The following PTPN3 variants were observed in gnomAD, a reference collection of about 807,000 sequenced individuals.
PTPN3 encodes the protein protein tyrosine phosphatase non-receptor type 3.
Under a neutral mutation model 132.7 loss-of-function variants are expected in PTPN3, and 96 were observed. That is an observed-to-expected ratio of 0.72 (90% CI 0.61 to 0.86). The LOEUF is 0.86. Ranked by LOEUF, PTPN3 falls within the 40% of genes least tolerant of loss-of-function variation. The probability of loss-of-function intolerance (pLI) is 0.00; values close to 1 mark genes in which losing one functional copy is unlikely to be tolerated. For missense variants in PTPN3, 1,125 were observed against 1,159.6 expected (o/e 0.97, Z 0.43); for synonymous variants, 398 against 429.0 (o/e 0.93, Z 0.89).
chr9:109,413,750 G>T (rs938808094), intron 14 of PTPN3, among the ~76,000 whole-genome samples: 2 of 152,110 alleles, frequency 1.3e-5, no homozygotes, highest in Non-Finnish European at 2.9e-5. Flanking sequence ...AAGGGGCAGA[G>T]ACAGAGAAAT....
chr9:109,475,300 T>C (rs552331273), intron 1 of PTPN3, among the ~76,000 whole-genome samples: 1 of 152,360 alleles, frequency 6.6e-6, no homozygotes, highest in South Asian at 2.1e-4. Flanking sequence ...CAATGTGGTA[T>C]TGTTCAAAAC....
At chr9:109,408,263 G>A (rs1841728283) in intron 17 of PTPN3, 58 bp downstream of exon 17, 1 of 1,376,870 alleles carries the variant, frequency 7.3e-7, no homozygotes, top group African/African-American at 1.5e-5. Context: ...ACAGAAACCT[G>A]TTAGAATTAG....
chr9:109,442,358 T>C (rs1353797615), intron 7 of PTPN3, among the ~76,000 whole-genome samples: 1 of 152,196 alleles, frequency 6.6e-6, no homozygotes, highest in African/African-American at 2.4e-5. Flanking sequence ...CAAGTATTAA[T>C]CTTAAAGAAA....
intron 12 of PTPN3, among the ~76,000 whole-genome samples, chr9:109,425,946 G>A (rs1242082174): frequency 2.7e-5 from 4 of 150,364 alleles, no homozygotes; most frequent in East Asian, 3.9e-4. Context: ...CCTGGGAGGC[G>A]GAGGTTGCAG....
chr9:109,401,622 T>C (rs1841113439), intron 19 of PTPN3, among the ~76,000 whole-genome samples: 1 of 152,204 alleles, frequency 6.6e-6, no homozygotes, highest in Non-Finnish European at 1.5e-5. Flanking sequence ...TTTTCCTCAG[T>C]GAGAGCCCAC....
At chr9:109,410,450 G>T in intron 14 of PTPN3, 35 bp from the exon 15 acceptor site, 1 of 1,596,630 alleles carries the variant, frequency 6.3e-7, no homozygotes, top group South Asian at 1.1e-5. Flanking sequence ...ATTAATAACT[G>T]GGTTAATATT....
intron 4 of PTPN3, among the ~76,000 whole-genome samples, chr9:109,456,154 G>T (rs933007967): frequency 3.9e-5 from 6 of 152,198 alleles, no homozygotes; most frequent in African/African-American, 1.4e-4. Context: ...GCAGGTGTGC[G>T]TGTGTGTGTT....
the PTPN3 span, chr9:109,534,033 G>T: frequency 2.2e-5 from 17 of 769,150 alleles, no homozygotes; most frequent in Non-Finnish European, 4.1e-5. Context: ...CACTGCGAAG[G>T]TACCTCCTGG....
At chr9:109,461,291 C>A (rs1845832500) in intron 2 of PTPN3, among the ~76,000 whole-genome samples, 1 of 152,162 alleles carries the variant, frequency 6.6e-6, no homozygotes, top group Non-Finnish European at 1.5e-5. Context: ...TCTCAGGCCC[C>A]ACCCCACAGA....
At chr9:109,534,203 T>C in the PTPN3 span, 1 of 1,218,512 alleles carries the variant, frequency 8.2e-7, no homozygotes, top group Non-Finnish European at 1.2e-6. Flanking sequence ...GCTGCTGATG[T>C]GAAGCCTCCC....
chr9:109,426,979 G>A lies in PTPN3; in HGVS notation c.972C>T (p.Tyr324=), dbSNP rs1843324632. ...TGGTGTTCCGAGAGCCCATAGTCCA[G>A]TACTGAGACAGAACATTCTTTTCCT... ...LPQEKNVLSQ[Y]WTMGSRNTKK... is the part of the protein sequence containing the mutation. Residue 324 remains tyrosine, a synonymous_variant, in exon 12 of 26, where the codon TAC becomes TAT. Coordinates refer to ENST00000374541, the MANE Select transcript of PTPN3 (RefSeq NM_002829.4). 1 of 1,613,782 alleles carries A rather than the reference G, an allele frequency of 6.2e-7. No individual in the cohort carries two copies. Among genetic ancestry groups the A allele is most frequent in the East Asian group, 2.2e-5 (1 of 44,886 alleles).
intron 5 of PTPN3, among the ~76,000 whole-genome samples, chr9:109,453,051 C>G (rs1435407472): frequency 6.6e-6 from 1 of 152,190 alleles, no homozygotes; most frequent in Non-Finnish European, 1.5e-5. Context: ...GAGGACAGGG[C>G]ATGCTTCTGT....
At chr9:109,388,543 T>C (rs1292953612) in intron 22 of PTPN3, among the ~76,000 whole-genome samples, 3 of 152,048 alleles carry the variant, frequency 2.0e-5, no homozygotes, top group African/African-American at 7.2e-5. Context: ...AGAGGGGCTG[T>C]CAGCAGCACG....
chr9:109,386,897 G>A (rs552941925), intron 22 of PTPN3, among the ~76,000 whole-genome samples: 3 of 152,334 alleles, frequency 2.0e-5, no homozygotes, highest in African/African-American at 7.2e-5. Context: ...AAGCCACTAA[G>A]GAGGCTGCTG....
intron 1 of PTPN3, among the ~76,000 whole-genome samples, chr9:109,494,583 T>G (rs923648370): frequency 1.3e-5 from 2 of 152,208 alleles, no homozygotes; most frequent in Non-Finnish European, 2.9e-5. Context: ...AATTATGCCT[T>G]GAAGTTAGAA....
intron 1 of PTPN3, among the ~76,000 whole-genome samples, chr9:109,469,244 C>T (rs1278910515): frequency 6.6e-6 from 1 of 152,180 alleles, no homozygotes; most frequent in Non-Finnish European, 1.5e-5. Context: ...ACTGTTCTTT[C>T]GCAAGCCAAT....
At position 109,448,837 on chromosome 9, in the gene PTPN3, T is replaced by C. The variant is rs781625751; in HGVS notation, c.387A>G (p.Gln129=). ...TTCCTTCGCAAATATCCATCTTCAG[T>C]TGTAAGAAATACAAGTGCCTATGAA... ...QEQTRHLYFL[Q]LKMDICEGRL... The change falls in exon 6 of 26, where the codon CAA becomes CAG. Residue 129 remains glutamine (Q), a synonymous_variant. Transcript: ENST00000374541. 7 of 1,601,164 alleles carry C rather than the reference T, an allele frequency of 4.4e-6. No homozygotes were observed. Among genetic ancestry groups the C allele is most frequent in the South Asian group, 2.3e-5 (2 of 88,190 alleles).
intron 17 of PTPN3, among the ~76,000 whole-genome samples, chr9:109,407,745 T>G (rs573080382): frequency 2.6e-5 from 4 of 152,302 alleles, no homozygotes; most frequent in Admixed American, 2.6e-4. Flanking sequence ...GGTTTCACCC[T>G]GTTGGCCAGG....
At chr9:109,504,689 T>C in the PTPN3 span, among the ~76,000 whole-genome samples, 305 of 152,302 alleles carry the variant, frequency 2.0e-3, no homozygotes, top group African/African-American at 7.1e-3. Context: ...AGGACCATAC[T>C]GTAATGGACC....
Sources: gnomAD v4.1 joint callset for allele counts (sites outside exome capture counted in the v4.1 genomes callset) on GRCh38, gnomAD v4.1.1 for gene constraint, MANE v1.5 for transcripts, NCBI Gene and HGNC (gene_info 2026-07-23, HGNC 2026-07-21) for gene names.